Variants in PXK observed in about 807,000 individuals in gnomAD.
PXK encodes the protein PX domain containing serine/threonine kinase like.
PXK carries 35 observed loss-of-function variants against 84.7 expected under a neutral mutation model. That is an observed-to-expected ratio of 0.41 (90% CI 0.32 to 0.55). The LOEUF (loss-of-function observed/expected upper bound fraction) is 0.55. Among genes scored for constraint, PXK ranks in the 20% least tolerant of loss-of-function variants. PXK has a pLI of 0.21. For synonymous variants in PXK, 253 were observed against 260.8 expected, an observed-to-expected ratio of 0.97 and a Z score of 0.29; for missense variants, 634 against 699.7, an observed-to-expected ratio of 0.91 and a Z score of 1.06.
chr3:58,408,885 A>G, intron 13 of PXK, 39 bp from the exon 14 acceptor site: 1 of 1,450,698 alleles, frequency 6.9e-7, no homozygotes, highest in South Asian at 1.1e-5. Context: ...ATCTCCAGCC[A>G]CCTTTTTCAA....
chr3:58,358,829 TTGG>T (rs1346421455), intron 1 of PXK, among the ~76,000 whole-genome samples: 1 of 152,200 alleles, frequency 6.6e-6, no homozygotes, highest in East Asian at 1.9e-4. Flanking sequence ...GGATATCATT[TTGG>T]GATGTCACAG....
intron 1 of PXK, among the ~76,000 whole-genome samples, chr3:58,360,813 C>T (rs1397497864): frequency 7.1e-6 from 1 of 140,548 alleles, no homozygotes; most frequent in Non-Finnish European, 1.5e-5. Flanking sequence ...ACCTAGGCAA[C>T]AAAGTGAGAC....
chr3:58,390,719 C>G lies in PXK; in HGVS notation c.466+60C>G, dbSNP rs2098621014. On this transcript the variant is annotated intron_variant, in intron 5 of 17. Transcript: ENST00000356151. This position sits in a 1 kb window ranked among gnomAD's most constrained non-coding sequence, Gnocchi z 4.2. ...CAGATCACAGAACTGGATCCTTAGT[C>G]ATGCTTTCTGATACGTATCCCAGGA... The G allele has an allele frequency of 1.1e-5, 17 of 1,482,660 alleles. No individual in the cohort carries two copies. The highest frequency in any genetic ancestry group is 1.4e-5 in the African/African-American group (1 of 71,716). 91.8% of individuals were successfully genotyped at this position (1,482,660 alleles called of 1,614,324 possible).
rs2098360687 is a variant in PXK at position 58,370,938 on chromosome 3, C to T, written c.201+1460C>T. ...GCCTGAACCCAGGAGGGGGAGGTTG[C>T]AGTGAGCCAAGAATGCACCACGTTG... On this transcript the variant is annotated intron_variant, in intron 3 of 17. Coordinates refer to ENST00000356151, the MANE Select transcript of PXK (RefSeq NM_017771.5). The surrounding 1 kb of genome is among the most constrained non-coding windows in gnomAD (Gnocchi z 4.2). Among the ~76,000 whole-genome samples the T allele has an allele frequency of 6.6e-6, 1 of 152,166 alleles. No homozygotes were observed. Among genetic ancestry groups the T allele is most frequent in the South Asian group, 2.1e-4 (1 of 4,830 alleles).
chr3:58,395,874 A>C (rs1268785873), intron 9 of PXK, 115 bp downstream of exon 9: 18 of 773,786 alleles, frequency 2.3e-5, no homozygotes, highest in African/African-American at 3.6e-5. Flanking sequence ...TTACTTATAA[A>C]CTGATTGCAT....
At chr3:58,395,176 A>C in intron 8 of PXK, 74 bp downstream of exon 8, 4 of 1,059,504 alleles carry the variant, frequency 3.8e-6, no homozygotes, top group Non-Finnish European at 5.7e-6. Context: ...TTAGTCTCTA[A>C]GACTCCAGAG....
chr3:58,374,161 C>T (rs2098416681), intron 3 of PXK, among the ~76,000 whole-genome samples: 1 of 145,786 alleles, frequency 6.9e-6, no homozygotes, highest in Non-Finnish European at 1.5e-5. Context: ...CCCTGCTTTC[C>T]ATTTTCTTTC....
Position 58,412,921 on chromosome 3 carries a change from C to T in PXK, c.1486C>T (p.Pro496Ser). The T allele has an allele frequency of 1.9e-6, 3 of 1,614,170 alleles. No homozygotes were observed. Among genetic ancestry groups the T allele is most frequent in the Non-Finnish European group, 2.5e-6 (3 of 1,180,020 alleles). ...CTTAGCAGGATCTGGGGCCAGCTCA[C>T]CTCTCACGTCCCCGTCATCGCCAAC... ...NNSAGSGASS[P>S]LTSPSSPTPP... Residue 496 changes from proline (P) to serine (S), a missense_variant, in exon 17 of 18, where the codon CCT (proline) becomes TCT (serine). By Grantham distance (74) the Pro-to-Ser change is moderately conservative (BLOSUM62 -1). Coordinates refer to ENST00000356151, the MANE Select transcript of PXK (RefSeq NM_017771.5). The surrounding 1 kb of genome is among the most constrained non-coding windows in gnomAD (Gnocchi z 6.2).
chr3:58,338,251 A>T (rs2097658981), intron 1 of PXK, among the ~76,000 whole-genome samples: 1 of 151,078 alleles, frequency 6.6e-6, no homozygotes. Context: ...GAGGCAGGAG[A>T]ATCCCTTTAA....
chr3:58,378,661 A>T (rs1464124942), intron 3 of PXK, among the ~76,000 whole-genome samples: 4 of 150,438 alleles, frequency 2.7e-5, no homozygotes, highest in African/African-American at 9.8e-5. Flanking sequence ...CAGCCTCCTG[A>T]GTAGCTGGGA....
At chr3:58,373,434 A>G (rs1036915533) in intron 3 of PXK, among the ~76,000 whole-genome samples, 11 of 152,210 alleles carry the variant, frequency 7.2e-5, no homozygotes, top group Non-Finnish European at 1.5e-4. Flanking sequence ...GGGTTGAACT[A>G]GATGACTTCT....
intron 3 of PXK, among the ~76,000 whole-genome samples, chr3:58,374,997 G>C (rs1428709076): frequency 6.6e-6 from 1 of 151,928 alleles, no homozygotes; most frequent in African/African-American, 2.4e-5. Context: ...TTCACCTGAC[G>C]GTTTGAAAGA....
intron 7 of PXK, among the ~76,000 whole-genome samples, chr3:58,393,817 T>A (rs2098655109): frequency 6.6e-6 from 1 of 152,220 alleles, no homozygotes; most frequent in Non-Finnish European, 1.5e-5. Flanking sequence ...ATTTTCTAAC[T>A]CTATTATTCC....
chr3:58,395,323 T>G (rs74577683), intron 8 of PXK, among the ~76,000 whole-genome samples: 2 of 152,252 alleles, frequency 1.3e-5, no homozygotes, highest in African/African-American at 4.8e-5. Context: ...TTAATAATTA[T>G]GTCCATTACA....
intron 1 of PXK, among the ~76,000 whole-genome samples, chr3:58,342,647 A>AG (rs2097757833): frequency 2.2e-5 from 3 of 138,748 alleles, no homozygotes; most frequent in African/African-American, 2.9e-5. Context: ...AAAAAAAAAA[A>AG]AAAAGAAAAG....
chr3:58,405,678 C>CA (rs58141128), intron 13 of PXK, among the ~76,000 whole-genome samples: 31,038 of 99,586 alleles, frequency 0.31, 4,976 homozygotes, highest in East Asian at 0.81. Flanking sequence ...GACTCTGTCT[C>CA]AAAAAAAAAA....
chr3:58,397,278 A>G lies in PXK; in HGVS notation c.984+78A>G. 1.3e-6 allele frequency: 2 copies of G among 1,490,288 alleles called. No homozygotes were observed. Among genetic ancestry groups the G allele is most frequent in the Non-Finnish European group, 1.9e-6 (2 of 1,080,498 alleles). The allele number at this position is 1,490,288 out of a possible 1,614,324, so 92.3% of individuals were successfully genotyped here. On this transcript the variant is annotated intron_variant, in intron 10 of 17. Transcript: ENST00000356151. This position sits in a 1 kb window ranked among gnomAD's most constrained non-coding sequence, Gnocchi z 4.7. ...CCCATGATCTGCCCATGTAGGAAAT[A>G]TGCACCAAGTAGTGAAAGGTATAGT...
rs556155260 is a variant in PXK, at chr3:58,371,348, T to C, written c.201+1870T>C. ...GTAGATAAGGTATCAATGTGCAGTT[T>C]ATTCCAGCAGTGGATTTTCTCCTCA... On this transcript the variant is annotated intron_variant, in intron 3 of 17. Coordinates refer to ENST00000356151, the MANE Select transcript of PXK (RefSeq NM_017771.5). 5.9e-5 allele frequency among the ~76,000 whole-genome samples: 9 copies of C among 152,334 alleles called. 1 individual carries two copies. The South Asian group carries it at 1.9e-3, about 32-fold the overall frequency.
rs2060385797 is a variant in PXK at position 58,412,733 on chromosome 3, C to T, written c.1466-168C>T. On this transcript the variant is annotated intron_variant, in intron 16 of 17. Coordinates refer to ENST00000356151, the MANE Select transcript of PXK (RefSeq NM_017771.5). The surrounding 1 kb of genome is among the most constrained non-coding windows in gnomAD (Gnocchi z 6.2). ...GTGGACCCTGCACCAGAGTAAAAGC[C>T]TGTCACTGGGTCCGGTCTCTGAGTT... Among the ~76,000 whole-genome samples the T allele has an allele frequency of 6.6e-6, 1 of 152,180 alleles. No individual in the cohort carries two copies. Among genetic ancestry groups the T allele is most frequent in the Admixed American group, 6.5e-5 (1 of 15,284 alleles).
Sources: gnomAD v4.1 joint callset for allele counts (sites outside exome capture counted in the v4.1 genomes callset) on GRCh38, gnomAD v4.1.1 for gene constraint, Gnocchi (gnomAD v3.1) non-coding constraint, MANE v1.5 for transcripts, NCBI Gene and HGNC (gene_info 2026-07-23, HGNC 2026-07-21) for gene names.